The following ABCA12 variants were observed in gnomAD, a reference collection of about 807,000 sequenced individuals.
The protein encoded by ABCA12 is glucosylceramide transporter ABCA12.
A neutral mutation model predicts 293.5 loss-of-function variants in ABCA12; 156 were observed. The ratio of observed to expected loss-of-function variants is 0.53; its 90% CI spans 0.47 to 0.61. The LOEUF (loss-of-function observed/expected upper bound fraction) is 0.61, where lower values mean the gene tolerates loss of function less well. Among genes scored for constraint, ABCA12 ranks in the 20% least tolerant of loss-of-function variants. ABCA12 has a pLI of 0.00. For synonymous variants in ABCA12, 1,063 were observed against 1,108.0 expected (o/e 0.96, Z 0.81); for missense variants, 2,797 against 3,090.2 (o/e 0.91, Z 2.25).
chr2:214,980,267 C>A (rs574664792), intron 31 of ABCA12, among the ~76,000 whole-genome samples: 1 of 152,136 alleles, frequency 6.6e-6, no homozygotes, highest in Non-Finnish European at 1.5e-5. Context: ...GCACTCCCAT[C>A]CCAGACCTAC....
At chr2:215,007,084 A>G (rs890395921) in intron 19 of ABCA12, among the ~76,000 whole-genome samples, 1 of 152,080 alleles carries the variant, frequency 6.6e-6, no homozygotes, top group Non-Finnish European at 1.5e-5. Flanking sequence ...CGCGTTGGTC[A>G]GGCTGGTCTT....
intron 7 of ABCA12, among the ~76,000 whole-genome samples, chr2:215,045,429 T>C (rs939943205): frequency 6.6e-6 from 1 of 152,232 alleles, no homozygotes; most frequent in Non-Finnish European, 1.5e-5. Flanking sequence ...GGTTGTTTTA[T>C]GTTGGATGGT....
intron 51 of ABCA12, among the ~76,000 whole-genome samples, chr2:214,935,504 C>T (rs1698190945): frequency 6.6e-6 from 1 of 152,062 alleles, no homozygotes; most frequent in Non-Finnish European, 1.5e-5. Flanking sequence ...TGATAAGAAT[C>T]CTGAAAGCTA....
chr2:214,990,340 G>A (rs2105976102), intron 24 of ABCA12, among the ~76,000 whole-genome samples: 1 of 152,252 alleles, frequency 6.6e-6, no homozygotes, highest in Admixed American at 6.5e-5. Context: ...TGAGAACCAT[G>A]AAAATTGTTC....
intron 1 of ABCA12, among the ~76,000 whole-genome samples, chr2:215,114,435 TCTAA>T (rs772102884): frequency 1.1e-4 from 16 of 152,230 alleles, no homozygotes; most frequent in Non-Finnish European, 1.9e-4. Context: ...TGTAATCTGA[TCTAA>T]CTCTTTTTTG....
intron 21 of ABCA12, 31 bp downstream of exon 21, chr2:215,001,527 G>C: frequency 6.2e-7 from 1 of 1,613,160 alleles, no homozygotes; most frequent in Non-Finnish European, 8.5e-7. Context: ...AGCACAAAGA[G>C]ATGCTCAAAC....
Position 214,951,050 on chromosome 2 carries a change from T to C in ABCA12, c.6681A>G (p.Val2227=). ...CTTCATCCTCATCTATTGTCTCCCTTACATGTGAAGAATTAAATTTTCTGA... is the reference window on the plus strand; with the variant it reads ...CTTCATCCTCATCTATTGTCTCCCTCACATGTGAAGAATTAAATTTTCTGA... ...LFFRKFNSSH[V]RETIDEDEDV... Residue 2227 remains valine (V), a synonymous_variant, in exon 45 of 53, where the codon GTA becomes GTG. Coordinates refer to ENST00000272895, the MANE Select transcript of ABCA12 (RefSeq NM_173076.3). 9 of 1,614,132 alleles carry C rather than the reference T, an allele frequency of 5.6e-6. No individual in the cohort carries two copies. Among genetic ancestry groups the C allele is most frequent in the South Asian group, 1.1e-5 (1 of 91,084 alleles).
At chr2:215,086,601 A>T (rs1176702534) in intron 2 of ABCA12, among the ~76,000 whole-genome samples, 1 of 152,220 alleles carries the variant, frequency 6.6e-6, no homozygotes, top group Non-Finnish European at 1.5e-5. Context: ...TCCTGAGCCT[A>T]GAAGTTCCAT....
chr2:215,026,979 A>C, intron 9 of ABCA12, 41 bp from the exon 10 acceptor site: 1 of 1,384,054 alleles, frequency 7.2e-7, no homozygotes. Context: ...AGACATATAA[A>C]AGTAAAGCAA....
intron 45 of ABCA12, 57 bp from the exon 46 acceptor site, chr2:214,949,206 C>G: frequency 2.5e-6 from 3 of 1,182,380 alleles, no homozygotes; most frequent in Non-Finnish European, 3.8e-6. Flanking sequence ...TGAGACATTG[C>G]TTTTGTATCT....
rs1358363346 is a variant in ABCA12, at chr2:215,118,130, G to A, written c.70-6440C>T. Among the ~76,000 whole-genome samples the A allele has an allele frequency of 4.6e-5, 7 of 152,252 alleles. No homozygotes were observed. The East Asian group carries it at 1.4e-3, about 29-fold the overall frequency. On this transcript the variant is annotated intron_variant, in intron 1 of 52. Coordinates refer to ENST00000272895, the MANE Select transcript of ABCA12 (RefSeq NM_173076.3). Reference sequence around the variant, plus strand: ...AAATAAATGATACCCAACAGGGCATGGTGGCTAATGCCTGTAATCCCAGCA... The same window carrying A: ...AAATAAATGATACCCAACAGGGCATAGTGGCTAATGCCTGTAATCCCAGCA...
At chr2:215,135,651 G>C (rs1333873662) in intron 1 of ABCA12, among the ~76,000 whole-genome samples, 1 of 152,072 alleles carries the variant, frequency 6.6e-6, no homozygotes. Context: ...ACCAAGTCTA[G>C]TTCCTACAAA....
At chr2:215,054,872 C>T (rs1013491714) in intron 3 of ABCA12, among the ~76,000 whole-genome samples, 2 of 151,770 alleles carry the variant, frequency 1.3e-5, no homozygotes, top group Non-Finnish European at 2.9e-5. Flanking sequence ...AGAAAATGGC[C>T]TAGATGAAGT....
At chr2:215,103,191 CAACAGGCGCCCTTTA>C (rs1702392271) in intron 2 of ABCA12, among the ~76,000 whole-genome samples, 1 of 151,408 alleles carries the variant, frequency 6.6e-6, no homozygotes, top group South Asian at 2.1e-4. Flanking sequence ...TTAATAGATG[CAACAGGCGCCCTTTA>C]AATATGTGAT....
chr2:214,987,351 G>T (rs760119774), intron 27 of ABCA12, among the ~76,000 whole-genome samples: 11 of 152,112 alleles, frequency 7.2e-5, no homozygotes, highest in Admixed American at 2.6e-4. Flanking sequence ...TGGAGTTAGG[G>T]GTGTAGATTG....
chr2:215,090,399 C>T (rs937217028), intron 2 of ABCA12, among the ~76,000 whole-genome samples: 6 of 152,158 alleles, frequency 3.9e-5, no homozygotes, highest in South Asian at 2.1e-4. Context: ...CCTACCACCT[C>T]GGGTCCTCAG....
chr2:214,968,966 A>G (rs1403901780), intron 37 of ABCA12, among the ~76,000 whole-genome samples, 159 bp from the exon 38 acceptor site: 1 of 152,084 alleles, frequency 6.6e-6, no homozygotes, highest in African/African-American at 2.4e-5. Flanking sequence ...ATTTCTATCA[A>G]TTCTTTTTAT....
intron 3 of ABCA12, among the ~76,000 whole-genome samples, chr2:215,054,908 C>A (rs1333632956): frequency 6.6e-6 from 1 of 151,866 alleles, no homozygotes; most frequent in East Asian, 1.9e-4. Context: ...TTACTTTAAT[C>A]TTGTAGAAAG....
chr2:215,116,733 A>G (rs1702694547), intron 1 of ABCA12, among the ~76,000 whole-genome samples: 1 of 152,218 alleles, frequency 6.6e-6, no homozygotes, highest in Admixed American at 6.5e-5. Flanking sequence ...ATCATGCACA[A>G]CCTAATGTGA....
Sources: gnomAD v4.1 joint callset for allele counts (sites outside exome capture counted in the v4.1 genomes callset) on GRCh38, gnomAD v4.1.1 for gene constraint, MANE v1.5 for transcripts, NCBI Gene and HGNC (gene_info 2026-07-23, HGNC 2026-07-21) for gene names.